Variants in SUCLG2 observed in about 807,000 individuals in gnomAD.
The protein encoded by SUCLG2 is succinate--CoA ligase [GDP-forming] subunit beta, mitochondrial.
SUCLG2 carries 42 observed loss-of-function variants against 47.9 expected under a neutral mutation model. The observed-to-expected ratio is 0.88, with a 90% CI of 0.69 to 1.14. The LOEUF is 1.14. SUCLG2 is among the 50% of genes most tolerant of loss of function. The pLI, the probability that SUCLG2 is intolerant of heterozygous loss-of-function variation, is 0.00. For missense variants in SUCLG2, 571 were observed against 525.9 expected, an observed-to-expected ratio of 1.09 and a Z score of -0.84; for synonymous variants, 195 against 197.3, an observed-to-expected ratio of 0.99 and a Z score of 0.10.
At chr3:67,384,984 G>A (rs1162188139) in intron 10 of SUCLG2, among the ~76,000 whole-genome samples, 1 of 152,230 alleles carries the variant, frequency 6.6e-6, no homozygotes, top group Admixed American at 6.5e-5. Flanking sequence ...CTCTCTGGAA[G>A]AGTCTCAGCG....
chr3:67,517,889 C>G (rs561123996), intron 6 of SUCLG2, among the ~76,000 whole-genome samples: 1 of 152,144 alleles, frequency 6.6e-6, no homozygotes. Context: ...TGTCATCATT[C>G]CCATTTTATA....
chr3:67,490,324 G>A (rs1281530943), intron 9 of SUCLG2, among the ~76,000 whole-genome samples: 1 of 152,122 alleles, frequency 6.6e-6, no homozygotes, highest in Non-Finnish European at 1.5e-5. Context: ...TAAGGCATTT[G>A]CATATACCTG....
chr3:67,367,972 C>T (rs9832987), intron 10 of SUCLG2, among the ~76,000 whole-genome samples: 1 of 152,142 alleles, frequency 6.6e-6, no homozygotes, highest in Non-Finnish European at 1.5e-5. Flanking sequence ...TTCACAAAAA[C>T]GTATATGTTT....
intron 9 of SUCLG2, among the ~76,000 whole-genome samples, chr3:67,468,405 G>C (rs1479313864): frequency 6.6e-6 from 1 of 152,152 alleles, no homozygotes; most frequent in Non-Finnish European, 1.5e-5. Context: ...AATCCATCCA[G>C]CTCCTTGAAC....
rs1332696126 is a variant in SUCLG2 at position 67,375,834 on chromosome 3, C to T, written c.1209G>A (p.Lys403=). The change falls in exon 11 of 11, where the codon AAG becomes AAA. Residue 403 remains lysine, a synonymous_variant. Transcript: ENST00000307227. ...TGGGGAGTCCGCTGTTGTTGAGTAT[C>T]TTCTGGGCCTCTTGGACGTTGGTTC... is the stretch of plus-strand genomic sequence containing the variant. ...LEGTNVQEAQ[K]ILNNSGLPIT... The T allele has an allele frequency of 1.2e-6, 2 of 1,613,720 alleles. No individual in the cohort carries two copies. Among genetic ancestry groups the T allele is most frequent in the Non-Finnish European group, 1.7e-6 (2 of 1,179,878 alleles).
chr3:67,569,262 T>C (rs985607585), intron 2 of SUCLG2, among the ~76,000 whole-genome samples: 12 of 152,226 alleles, frequency 7.9e-5, no homozygotes, highest in African/African-American at 2.7e-4. Flanking sequence ...CTAGCACTCA[T>C]AGAGTTTACT....
intron 10 of SUCLG2, among the ~76,000 whole-genome samples, chr3:67,362,617 A>C (rs962912771): frequency 6.6e-5 from 10 of 152,312 alleles, no homozygotes; most frequent in Admixed American, 6.5e-4. Flanking sequence ...CTGTATCCTA[A>C]CGCAGCAGAT....
intron 2 of SUCLG2, among the ~76,000 whole-genome samples, chr3:67,556,498 T>G (rs1707165268): frequency 1.3e-5 from 2 of 152,226 alleles, no homozygotes; most frequent in African/African-American, 4.8e-5. Context: ...CTTGAATTTA[T>G]TTCAAAATAG....
At chr3:67,449,782 T>C (rs1042433070) in intron 9 of SUCLG2, among the ~76,000 whole-genome samples, 6 of 151,992 alleles carry the variant, frequency 3.9e-5, no homozygotes, top group African/African-American at 1.2e-4. Flanking sequence ...CCCAGCTAAT[T>C]TGTGTATTTT....
chr3:67,373,960 C>A (rs1385684542), downstream of SUCLG2, among the ~76,000 whole-genome samples: 1 of 152,152 alleles, frequency 6.6e-6, no homozygotes, highest in African/African-American at 2.4e-5. Flanking sequence ...TTGTTATTAA[C>A]CCTTTTATGA....
intron 9 of SUCLG2, among the ~76,000 whole-genome samples, chr3:67,494,615 G>A (rs773257540): frequency 3.3e-5 from 5 of 152,002 alleles, no homozygotes; most frequent in Non-Finnish European, 7.4e-5. Context: ...GACAGAACGA[G>A]ACCCTGTCTC....
intron 2 of SUCLG2, among the ~76,000 whole-genome samples, chr3:67,557,876 A>T (rs946658398): frequency 2.6e-5 from 4 of 152,192 alleles, no homozygotes; most frequent in Non-Finnish European, 5.9e-5. Context: ...TTCTACCAAG[A>T]GTGACCTTAG....
At chr3:67,603,089 A>G (rs1708455410) in intron 2 of SUCLG2, among the ~76,000 whole-genome samples, 1 of 152,198 alleles carries the variant, frequency 6.6e-6, no homozygotes, top group Non-Finnish European at 1.5e-5. Context: ...ATATGCCATT[A>G]CCCTAGGAGC....
chr3:67,448,705 C>G lies in SUCLG2; in HGVS notation c.1062+47093G>C, dbSNP rs144322570. On this transcript the variant is annotated intron_variant, in intron 9 of 10. Transcript: ENST00000307227. ...ATATGTTGCTTTAGCAGTTTTACTT[C>G]TAACAATTTATCAGAAATATGAAAG... is the stretch of plus-strand genomic sequence containing the variant. Among the ~76,000 whole-genome samples the G allele has an allele frequency of 5.5e-3, 838 of 152,238 alleles. 7 individuals are homozygous for G. Among genetic ancestry groups the G allele is most frequent in the East Asian group, 0.051 (266 of 5,180 alleles).
chr3:67,522,467 T>C (rs1367620822), intron 4 of SUCLG2, among the ~76,000 whole-genome samples: 2 of 151,996 alleles, frequency 1.3e-5, no homozygotes, highest in African/African-American at 4.8e-5. Flanking sequence ...AAAAGTGAAA[T>C]GTCTAGGTTT....
intron 10 of SUCLG2, among the ~76,000 whole-genome samples, chr3:67,367,071 A>G (rs1701885681): frequency 6.6e-6 from 1 of 152,242 alleles, no homozygotes; most frequent in Non-Finnish European, 1.5e-5. Context: ...AGTTCTATAT[A>G]TTGAACAAAA....
At chr3:67,613,433 C>G (rs937290332) in intron 1 of SUCLG2, among the ~76,000 whole-genome samples, 1 of 152,016 alleles carries the variant, frequency 6.6e-6, no homozygotes, top group African/African-American at 2.4e-5. Flanking sequence ...TAACTAGTTC[C>G]AGCCAGTAAG....
intron 2 of SUCLG2, among the ~76,000 whole-genome samples, chr3:67,575,975 T>C (rs1707731347): frequency 6.6e-6 from 1 of 152,192 alleles, no homozygotes. Context: ...GCCATTCTTG[T>C]CACGTGAAAT....
At chr3:67,593,771 G>T (rs1001035724) in intron 2 of SUCLG2, among the ~76,000 whole-genome samples, 2 of 152,136 alleles carry the variant, frequency 1.3e-5, no homozygotes, top group African/African-American at 4.8e-5. Flanking sequence ...AAGAGCAGTT[G>T]GTCACCCCCG....
Sources: allele counts gnomAD v4.1 joint callset (sites outside exome capture counted in the v4.1 genomes callset), GRCh38; gene constraint gnomAD v4.1.1; transcripts MANE v1.5; gene names NCBI Gene and HGNC (gene_info 2026-07-23, HGNC 2026-07-21).